Variants in GLYR1 observed in about 807,000 individuals in gnomAD.
GLYR1 encodes the protein glyoxylate reductase 1 homolog, also known as cytokine-like nuclear factor N-PAC.
Under a neutral mutation model 72.7 loss-of-function variants are expected in GLYR1, and 21 were observed. The ratio of observed to expected loss-of-function variants is 0.29; its 90% CI spans 0.20 to 0.42. The LOEUF is 0.42. Ranked by LOEUF, GLYR1 falls within the 10% of genes least tolerant of loss-of-function variation. The pLI, the probability that GLYR1 is intolerant of heterozygous loss-of-function variation, is 1.00. For synonymous variants in GLYR1, 392 were observed against 270.2 expected (o/e 1.45, Z -4.42); for missense variants, 594 against 712.1 (o/e 0.83, Z 1.89).
chr16:4,821,902 C>A (rs547414851), intron 7 of GLYR1, among the ~76,000 whole-genome samples: 1 of 152,328 alleles, frequency 6.6e-6, no homozygotes, highest in African/African-American at 2.4e-5. Flanking sequence ...CTCAGGCCAC[C>A]CCATAACCTT....
intron 9 of GLYR1, among the ~76,000 whole-genome samples, chr16:4,818,984 G>A (rs1048858877): frequency 1.3e-5 from 2 of 152,096 alleles, no homozygotes; most frequent in South Asian, 2.1e-4. Context: ...GCAACCCTGA[G>A]AGCTGGGGGC....
intron 3 of GLYR1, among the ~76,000 whole-genome samples, chr16:4,841,558 T>A (rs1231019397): frequency 2.0e-5 from 3 of 148,684 alleles, no homozygotes; most frequent in Admixed American, 6.8e-5. Context: ...GGTGGGAGGA[T>A]TACCTGAGCC....
rs760155464 is a variant in GLYR1, at chr16:4,805,199, G to T, written c.*37C>A. The T allele has an allele frequency of 1.9e-6, 3 of 1,576,406 alleles. No homozygotes were observed. Among genetic ancestry groups the T allele is most frequent in the South Asian group, 1.1e-5 (1 of 89,806 alleles). On this transcript the variant is annotated 3_prime_UTR_variant, in exon 16 of 16. Coordinates refer to ENST00000321919, the MANE Select transcript of GLYR1 (RefSeq NM_032569.4). ...CCCATGTGAGGAAGAGGGGGTCAGA[G>T]GGGGGATTGGAGGGGTGAGGGCGGG... is the stretch of plus-strand genomic sequence containing the variant.
chr16:4,820,502 T>C (rs2083943028), intron 9 of GLYR1, among the ~76,000 whole-genome samples: 1 of 152,182 alleles, frequency 6.6e-6, no homozygotes, highest in Admixed American at 6.5e-5. Flanking sequence ...TGATCATTTT[T>C]TTATTTTTAT....
intron 3 of GLYR1, among the ~76,000 whole-genome samples, chr16:4,835,615 G>A (rs1443471757): frequency 6.6e-6 from 1 of 152,210 alleles, no homozygotes. Context: ...CAGATCACCT[G>A]AGGTTAGGAG....
intron 5 of GLYR1, among the ~76,000 whole-genome samples, chr16:4,825,258 C>G (rs1006884814): frequency 6.6e-6 from 1 of 152,186 alleles, no homozygotes; most frequent in African/African-American, 2.4e-5. Context: ...GTTCTGCCGT[C>G]TCCCACCCAT....
At chr16:4,846,877 T>G (rs1391027947) in intron 1 of GLYR1, 1 of 356,640 alleles carries the variant, frequency 2.8e-6, no homozygotes, top group African/African-American at 2.2e-5. Flanking sequence ...CCGGCGCTTC[T>G]GCTTTCTGGG....
chr16:4,803,676 G>T lies in GLYR1; in HGVS notation c.*1560C>A, dbSNP rs917010620. The T allele has an allele frequency of 1.3e-5, 2 of 149,712 alleles. No homozygotes were observed. The highest frequency in any genetic ancestry group is 4.9e-5 in the African/African-American group (2 of 40,466). The allele number at this position is 149,712 out of a possible 1,614,324, so 9.3% of individuals were successfully genotyped here. A position where few individuals can be genotyped will look rare whatever the true frequency, so the allele number is the denominator to read the frequency against. ...AATGAACTGTGCTAAAAACCCGACA[G>T]GCATCTTCCCTGCCCTCCCCCCACT... On this transcript the variant is annotated 3_prime_UTR_variant, in exon 16 of 16. Coordinates refer to ENST00000321919, the MANE Select transcript of GLYR1 (RefSeq NM_032569.4).
At chr16:4,840,265 G>A (rs1288204443) in intron 3 of GLYR1, 1 of 152,374 alleles carries the variant, frequency 6.6e-6, no homozygotes, top group African/African-American at 2.4e-5. Flanking sequence ...CTGATCCCGT[G>A]ATTCCTTCAG....
intron 9 of GLYR1, among the ~76,000 whole-genome samples, chr16:4,818,791 C>T (rs979442178): frequency 6.6e-6 from 1 of 152,146 alleles, no homozygotes; most frequent in Non-Finnish European, 1.5e-5. Context: ...CTAAGTCCTT[C>T]ACCTGAGCTT....
chr16:4,804,264 T>C lies in GLYR1; in HGVS notation c.*972A>G, dbSNP rs1469934697. ...ACTTGGCAGGGCAGGGTGGAGAAGG[T>C]GGGACCACTGGGAGGGGACCGAGGT... On this transcript the variant is annotated 3_prime_UTR_variant, in exon 16 of 16. Coordinates refer to ENST00000321919, the MANE Select transcript of GLYR1 (RefSeq NM_032569.4). The C allele has an allele frequency of 6.6e-6, 1 of 152,440 alleles. No homozygotes were observed. Among genetic ancestry groups the C allele is most frequent in the Non-Finnish European group, 1.5e-5 (1 of 68,118 alleles). 9.4% of individuals were successfully genotyped at this position (152,440 alleles called of 1,614,324 possible). A position where few individuals can be genotyped will look rare whatever the true frequency, so the allele number is the denominator to read the frequency against.
chr16:4,847,140 A>C (rs2086203858), intron 1 of GLYR1, 88 bp downstream of exon 1: 1 of 1,283,664 alleles, frequency 7.8e-7, no homozygotes, highest in Admixed American at 2.0e-5. Flanking sequence ...GAGCGCATAA[A>C]AAGGCAGCTC....
intron 9 of GLYR1, among the ~76,000 whole-genome samples, chr16:4,818,868 G>A (rs1048598431): frequency 6.6e-6 from 1 of 151,896 alleles, no homozygotes; most frequent in African/African-American, 2.4e-5. Flanking sequence ...ACCTCTCACT[G>A]TTCCCCCAGC....
At chr16:4,811,934 T>C (rs1312681492) in intron 13 of GLYR1, 132 bp from the exon 14 acceptor site, 4 of 1,413,098 alleles carry the variant, frequency 2.8e-6, no homozygotes, top group Non-Finnish European at 3.8e-6. Flanking sequence ...ACAGACTGGC[T>C]CTTCCTCCTT....
At chr16:4,837,918 A>G (rs911646962) in intron 3 of GLYR1, among the ~76,000 whole-genome samples, 43 of 151,008 alleles carry the variant, frequency 2.8e-4, no homozygotes, top group African/African-American at 1.1e-3. Context: ...CGACAGAGCG[A>G]GACTCCATCT....
At chr16:4,812,817 GAC>G (rs1209105488) in intron 12 of GLYR1, among the ~76,000 whole-genome samples, 1 of 150,648 alleles carries the variant, frequency 6.6e-6, no homozygotes, top group African/African-American at 2.4e-5. Flanking sequence ...GTTTTTTTGA[GAC>G]AGAGTCTTGC....
chr16:4,813,703 G>C, intron 12 of GLYR1, 34 bp downstream of exon 12: 4 of 1,534,480 alleles, frequency 2.6e-6, no homozygotes, highest in Non-Finnish European at 3.5e-6. Context: ...TGATAGAAAA[G>C]ATGCTGGAGA....
intron 6 of GLYR1, among the ~76,000 whole-genome samples, chr16:4,823,243 T>A (rs930339283): frequency 1.2e-4 from 18 of 152,224 alleles, no homozygotes; most frequent in African/African-American, 4.3e-4. Context: ...TCGGTACTCA[T>A]CAGGCACAGC....
intron 2 of GLYR1, among the ~76,000 whole-genome samples, chr16:4,845,561 C>G (rs778760565): frequency 6.6e-6 from 1 of 150,478 alleles, no homozygotes; most frequent in African/African-American, 2.4e-5. Context: ...CTTTGAAATA[C>G]TTCCTGTGCA....
Sources: allele counts gnomAD v4.1 joint callset (sites outside exome capture counted in the v4.1 genomes callset), GRCh38; gene constraint gnomAD v4.1.1; transcripts MANE v1.5; gene names NCBI Gene and HGNC (gene_info 2026-07-23, HGNC 2026-07-21).